The following UNC5C variants were observed in gnomAD, a reference collection of about 807,000 sequenced individuals.
The protein encoded by UNC5C is netrin receptor UNC5C.
A neutral mutation model predicts 99.8 loss-of-function variants in UNC5C; 47 were observed. The ratio of observed to expected loss-of-function variants is 0.47; its 90% CI spans 0.37 to 0.60. UNC5C has a LOEUF of 0.60. UNC5C is among the 20% of genes least tolerant of loss of function. UNC5C has a pLI of 0.00. For missense variants in UNC5C, 1,062 were observed against 1,165.9 expected, an observed-to-expected ratio of 0.91 and a Z score of 1.30; for synonymous variants, 487 against 452.2, an observed-to-expected ratio of 1.08 and a Z score of -0.98.
intron 4 of UNC5C, among the ~76,000 whole-genome samples, chr4:95,270,092 G>C (rs1740602289): frequency 6.6e-6 from 1 of 152,090 alleles, no homozygotes; most frequent in Non-Finnish European, 1.5e-5. Flanking sequence ...GGCTCTAATT[G>C]CTCCGGAGTT....
chr4:95,425,625 C>T (rs1410438861), intron 1 of UNC5C, among the ~76,000 whole-genome samples: 2 of 152,228 alleles, frequency 1.3e-5, no homozygotes, highest in African/African-American at 4.8e-5. Context: ...ACTTTATTTA[C>T]TCAGAAAGTC....
rs532162055 is a variant in UNC5C, at chr4:95,198,018, C to T, written c.2136+4713G>A. Among the ~76,000 whole-genome samples, 13 of 142,046 alleles carry T rather than the reference C, an allele frequency of 9.2e-5. No individual in the cohort carries two copies. In the East Asian group the frequency reaches 1.3e-3, roughly 14 times the overall value. The allele number at this position is 142,046 out of a possible 152,430, so 93.2% of individuals were successfully genotyped here. A position where few individuals can be genotyped will look rare whatever the true frequency, so the allele number is the denominator to read the frequency against. On this transcript the variant is annotated intron_variant, in intron 12 of 15. Coordinates refer to ENST00000453304, the MANE Select transcript of UNC5C (RefSeq NM_003728.4). ...TTTTTTTTTTTAAGAGATGGGGTCTCGCTCTGCCACCCAGGCTGGAGTGCC... is the reference window on the plus strand; with the variant it reads ...TTTTTTTTTTTAAGAGATGGGGTCTTGCTCTGCCACCCAGGCTGGAGTGCC...
intron 7 of UNC5C, among the ~76,000 whole-genome samples, chr4:95,234,247 C>A (rs888477939): frequency 2.0e-5 from 3 of 152,084 alleles, no homozygotes; most frequent in African/African-American, 7.2e-5. Context: ...GTACACAGTA[C>A]AACTGGTCTT....
At chr4:95,226,957 C>A (rs1412402974) in intron 7 of UNC5C, among the ~76,000 whole-genome samples, 1 of 151,956 alleles carries the variant, frequency 6.6e-6, no homozygotes, top group Non-Finnish European at 1.5e-5. Flanking sequence ...AAATCCACCT[C>A]CCTTGATAAC....
intron 12 of UNC5C, among the ~76,000 whole-genome samples, chr4:95,193,568 T>C (rs539832173): frequency 2.6e-5 from 4 of 152,342 alleles, no homozygotes; most frequent in Non-Finnish European, 4.4e-5. Flanking sequence ...TCAGATTTCA[T>C]GGAACCTGCC....
intron 1 of UNC5C, among the ~76,000 whole-genome samples, chr4:95,379,952 T>C (rs1745017046): frequency 6.6e-6 from 1 of 152,186 alleles, no homozygotes; most frequent in African/African-American, 2.4e-5. Flanking sequence ...CTGAAAGACG[T>C]GTGGCTGCAT....
intron 1 of UNC5C, among the ~76,000 whole-genome samples, chr4:95,499,819 G>A (rs1480113221): frequency 6.6e-6 from 1 of 152,012 alleles, no homozygotes; most frequent in Non-Finnish European, 1.5e-5. Flanking sequence ...TATATAAGAT[G>A]GGAGCACTGG....
intron 1 of UNC5C, among the ~76,000 whole-genome samples, chr4:95,426,208 T>A (rs1746480581): frequency 6.6e-6 from 1 of 152,264 alleles, no homozygotes; most frequent in Non-Finnish European, 1.5e-5. Context: ...TTCATTATAA[T>A]TAAATCTGCC....
intron 1 of UNC5C, among the ~76,000 whole-genome samples, chr4:95,339,391 C>T (rs1244887565): frequency 6.6e-6 from 1 of 151,862 alleles, no homozygotes; most frequent in Non-Finnish European, 1.5e-5. Context: ...ATCTGTGATT[C>T]CACCCTGAAG....
At chr4:95,187,812 C>T (rs752013560) in intron 12 of UNC5C, among the ~76,000 whole-genome samples, 1 of 152,110 alleles carries the variant, frequency 6.6e-6, no homozygotes, top group Non-Finnish European at 1.5e-5. Flanking sequence ...TCTCCATCAC[C>T]CAGGAGTGAC....
intron 7 of UNC5C, among the ~76,000 whole-genome samples, chr4:95,225,635 TATTTAAAAA>T (rs1738655735): frequency 1.3e-5 from 2 of 152,078 alleles, no homozygotes; most frequent in African/African-American, 2.4e-5. Flanking sequence ...AAATATTTAA[TATTTAAAAA>T]ATTTTAAAAA....
At position 95,240,625 on chromosome 4, in the gene UNC5C, A is replaced by AACAC. The variant is rs1553956790; in HGVS notation, c.1108+1803_1108+1804insGTGT. ...GAGACGTGATAAAAATACAAACAAA[A>AACAC]ACAAACACAAACACAAACAAACAAA... On this transcript the variant is annotated intron_variant, in intron 7 of 15. Coordinates refer to ENST00000453304, the MANE Select transcript of UNC5C (RefSeq NM_003728.4). 1.1e-3 allele frequency among the ~76,000 whole-genome samples: 169 copies of AACAC among 152,176 alleles called. 1 individual carries two copies. The highest frequency in any genetic ancestry group is 2.9e-3 in the Admixed American group (44 of 15,288).
chr4:95,273,369 A>T (rs1740727562), intron 4 of UNC5C, among the ~76,000 whole-genome samples: 1 of 152,194 alleles, frequency 6.6e-6, no homozygotes, highest in African/African-American at 2.4e-5. Context: ...TGATGTTTTG[A>T]TCCTAGTACT....
intron 1 of UNC5C, among the ~76,000 whole-genome samples, chr4:95,411,757 AATT>A (rs1394884768): frequency 3.3e-5 from 5 of 152,206 alleles, no homozygotes; most frequent in Non-Finnish European, 5.9e-5. Flanking sequence ...GAATACAGTT[AATT>A]ATTAACTTGA....
intron 14 of UNC5C, 41 bp from the exon 15 acceptor site, chr4:95,170,373 G>A (rs2241743): frequency 0.56 from 893,840 of 1,596,656 alleles, 253,923 homozygotes; most frequent in Admixed American, 0.68. Flanking sequence ...TTATTTCTGA[G>A]GACAAAAGCA....
At chr4:95,522,058 G>A (rs1352672790) in intron 1 of UNC5C, among the ~76,000 whole-genome samples, 1 of 151,808 alleles carries the variant, frequency 6.6e-6, no homozygotes. Flanking sequence ...TAATATAATT[G>A]TATATAGTAA....
At chr4:95,215,087 G>A (rs965656233) in intron 10 of UNC5C, among the ~76,000 whole-genome samples, 7 of 152,194 alleles carry the variant, frequency 4.6e-5, no homozygotes, top group African/African-American at 1.7e-4. Flanking sequence ...AATTATAAAT[G>A]CCAGTATCTC....
intron 1 of UNC5C, among the ~76,000 whole-genome samples, chr4:95,458,738 T>C (rs1268990649): frequency 6.6e-6 from 1 of 152,046 alleles, no homozygotes; most frequent in Non-Finnish European, 1.5e-5. Flanking sequence ...TATATTGTAA[T>C]TGAGTACTTC....
At chr4:95,387,073 T>C (rs1745231411) in intron 1 of UNC5C, among the ~76,000 whole-genome samples, 1 of 103,828 alleles carries the variant, frequency 9.6e-6, no homozygotes, top group South Asian at 3.4e-4. Flanking sequence ...TAAAAAATGC[T>C]TTTATGTTTT....
Sources: gnomAD v4.1 joint callset for allele counts (sites outside exome capture counted in the v4.1 genomes callset) on GRCh38, gnomAD v4.1.1 for gene constraint, MANE v1.5 for transcripts, NCBI Gene and HGNC (gene_info 2026-07-23, HGNC 2026-07-21) for gene names.